Variants in IL1A observed in about 807,000 individuals in gnomAD.
The protein encoded by IL1A is interleukin-1 alpha.
In IL1A, 16 loss-of-function variants were observed where a neutral mutation model predicts 22.2. The ratio of observed to expected loss-of-function variants is 0.72; its 90% CI spans 0.49 to 1.09. The LOEUF is 1.09. Ranked by LOEUF, IL1A falls within the 50% of genes least tolerant of loss-of-function variation. The probability of loss-of-function intolerance (pLI) is 0.00; values close to 1 mark genes in which losing one functional copy is unlikely to be tolerated. For missense variants in IL1A, 317 were observed against 321.8 expected (o/e 0.99, Z 0.11); for synonymous variants, 113 against 118.5 (o/e 0.95, Z 0.30).
rs536637497 is a variant in IL1A at position 112,781,032 on chromosome 2, T to A, written c.319+572A>T. Among the ~76,000 whole-genome samples the A allele has an allele frequency of 9.2e-3, 1,391 of 150,896 alleles. 11 individuals carry two copies. Among genetic ancestry groups the A allele is most frequent in the African/African-American group, 0.025 (1,007 of 40,626 alleles). On this transcript the variant is annotated intron_variant, in intron 4 of 6. Transcript: ENST00000263339. ...CAGACTCCATCTCAAAAAAATAAAA[T>A]AAAATAATAATAATAATGATAGTAA...
At position 112,778,032 on chromosome 2, in the gene IL1A, T is replaced by C. The variant is rs1681129100; in HGVS notation, c.570A>G (p.Gln190=). 1.9e-6 allele frequency: 3 copies of C among 1,614,114 alleles called. No individual in the cohort carries two copies. The highest frequency in any genetic ancestry group is 1.3e-5 in the African/African-American group (1 of 75,026). The change falls in exon 6 of 7, where the codon CAA becomes CAG. Residue 190 remains glutamine, a synonymous_variant. Coordinates refer to ENST00000263339, the MANE Select transcript of IL1A (RefSeq NM_000575.5). ...CTTCATCTTGGGCAGTCACATACAA[T>C]TGAGTTTTTGAGATTCTTAGAATCA... The part of the protein sequence containing the change: ...ITVILRISKT[Q]LYVTAQDEDQ...
At chr2:112,783,919 C>A in intron 1 of IL1A, 141 bp from the exon 2 acceptor site, 1 of 748,560 alleles carries the variant, frequency 1.3e-6, no homozygotes. Context: ...CATCTTCTAG[C>A]TCCTTTGAAT....
chr2:112,774,496 G>T lies in IL1A; in HGVS notation c.*571C>A, dbSNP rs1416164576. 1 of 151,570 alleles carries T rather than the reference G, an allele frequency of 6.6e-6. No individual in the cohort carries two copies. Among genetic ancestry groups the T allele is most frequent in the Non-Finnish European group, 1.5e-5 (1 of 67,896 alleles). The allele number at this position is 151,570 out of a possible 1,614,324, so 9.4% of individuals were successfully genotyped here. A position where few individuals can be genotyped will look rare whatever the true frequency, so the allele number is the denominator to read the frequency against. ...TTTCGTGCTTTGCCTTCATCTTGAG[G>T]CTCGGCTTCAAGAAGTATTTTACCA... On this transcript the variant is annotated 3_prime_UTR_variant, in exon 7 of 7. Transcript: ENST00000263339.
chr2:112,782,427 C>A (rs563796142), intron 3 of IL1A, among the ~76,000 whole-genome samples: 85 of 152,330 alleles, frequency 5.6e-4, no homozygotes, highest in African/African-American at 1.6e-3. Context: ...AAGCGGCCTG[C>A]GGGGCCTTTC....
rs72825520 is a variant in IL1A, at chr2:112,780,738, A to G, written c.319+866T>C. Among the ~76,000 whole-genome samples the G allele has an allele frequency of 6.5e-5, 5 of 76,666 alleles. No individual in the cohort carries two copies. The South Asian group carries it at 1.3e-3, about 19-fold the overall frequency. The allele number at this position is 76,666 out of a possible 152,430, so 50.3% of individuals were successfully genotyped here. ...ATTCATATAGGTAGTAGTAGTAGTA[A>G]TAATAATAATAATCATAGGCCGGGC... On this transcript the variant is annotated intron_variant, in intron 4 of 6. Transcript: ENST00000263339.
At chr2:112,777,290 A>T (rs1681115317) in intron 6 of IL1A, among the ~76,000 whole-genome samples, 3 of 152,228 alleles carry the variant, frequency 2.0e-5, no homozygotes. Context: ...GAATGAGTTC[A>T]TGAATGAAGC....
intron 6 of IL1A, among the ~76,000 whole-genome samples, chr2:112,777,078 A>G (rs1040562894): frequency 1.4e-5 from 2 of 146,206 alleles, no homozygotes; most frequent in Non-Finnish European, 3.0e-5. Context: ...GCACTCTCCC[A>G]CTTTTCTCTA....
Position 112,779,511 on chromosome 2 carries a change from T to C in IL1A, c.475A>G (p.Asn159Asp). 6.3e-7 allele frequency: 1 copy of C among 1,586,640 alleles called. No homozygotes were observed. Among genetic ancestry groups the C allele is most frequent in the African/African-American group, 1.3e-5 (1 of 74,614 alleles). The change falls in exon 5 of 7, where the codon AAT (asparagine) becomes GAT (aspartate). Residue 159 changes from asparagine (N) to aspartate (D), a missense_variant. By Grantham distance (23) the Asn-to-Asp change is conservative. Transcript: ENST00000263339. ...TTTAATGTACCTGCTTCATCCAGAT[T>C]ATGTAATGCAGCAGCCGTGAGGTAC... ...DQYLTAAALH[N>D]LDEAVKFDMG...
chr2:112,780,358 G>A (rs1478271203), intron 4 of IL1A, among the ~76,000 whole-genome samples: 1 of 152,174 alleles, frequency 6.6e-6, no homozygotes, highest in African/African-American at 2.4e-5. Flanking sequence ...CATAGTGCTG[G>A]CAGTAGTAAA....
chr2:112,782,080 A>C (rs1395498646), intron 3 of IL1A, among the ~76,000 whole-genome samples: 1 of 152,196 alleles, frequency 6.6e-6, no homozygotes, highest in Non-Finnish European at 1.5e-5. Context: ...GTTGTAACTA[A>C]ATAGGTTAAC....
chr2:112,782,820 C>T (rs986304539), intron 2 of IL1A, 56 bp from the exon 3 acceptor site: 1 of 1,283,344 alleles, frequency 7.8e-7, no homozygotes, highest in African/African-American at 1.5e-5. Context: ...TGGTCTCTGG[C>T]CAATGTACTT....
Position 112,781,653 on chromosome 2 carries a change from T to C in IL1A, c.270A>G (p.Gln90=), listed in dbSNP as rs375431463. The C allele has an allele frequency of 6.9e-5, 111 of 1,614,246 alleles. No homozygotes were observed. The highest frequency in any genetic ancestry group is 2.0e-4 in the African/African-American group (15 of 75,054). ...CCTCCAGGTCATCATCAGTGATGGA[T>C]TGGCTTAAACTCAACCGTCTCTTCT... ...VLKKRRLSLS[Q]SITDDDLEAI... is the part of the protein sequence containing the mutation. Residue 90 remains glutamine, a synonymous_variant, in exon 4 of 7, where the codon CAA becomes CAG. Coordinates refer to ENST00000263339, the MANE Select transcript of IL1A (RefSeq NM_000575.5).
chr2:112,782,318 T>A (rs889215834), intron 3 of IL1A, among the ~76,000 whole-genome samples: 12 of 152,238 alleles, frequency 7.9e-5, no homozygotes, highest in African/African-American at 2.9e-4. Flanking sequence ...GCTTGCTTCC[T>A]CTCTCTCAGC....
Position 112,779,519 on chromosome 2 carries a change from G to T in IL1A, c.467C>A (p.Ala156Glu), listed in dbSNP as rs748732116. Residue 156 changes from alanine to glutamate, a missense_variant, in exon 5 of 7, where the codon GCA becomes GAA. By Grantham distance (107) the Ala-to-Glu change is moderately radical. Transcript: ENST00000263339. Reference sequence around the variant, plus strand: ...ACCTGCTTCATCCAGATTATGTAATGCAGCAGCCGTGAGGTACTGATCATT... The same window carrying T: ...ACCTGCTTCATCCAGATTATGTAATTCAGCAGCCGTGAGGTACTGATCATT... ...RANDQYLTAAALHNLDEAVKF... is the reference protein window; with the variant it reads ...RANDQYLTAAELHNLDEAVKF... The T allele has an allele frequency of 3.8e-6, 6 of 1,595,954 alleles. No homozygotes were observed. In the African/African-American group the frequency reaches 8.0e-5, roughly 21 times the overall value.
intron 6 of IL1A, among the ~76,000 whole-genome samples, chr2:112,775,987 G>C (rs776509471): frequency 2.6e-5 from 4 of 152,090 alleles, no homozygotes; most frequent in Non-Finnish European, 4.4e-5. Context: ...ATGTCAGCAG[G>C]ATTTATTTCC....
At position 112,775,251 on chromosome 2, in the gene IL1A, G is replaced by T; in HGVS notation, c.632C>A (p.Pro211His). 1 of 1,613,716 alleles carries T rather than the reference G, an allele frequency of 6.2e-7. No individual in the cohort carries two copies. The highest frequency in any genetic ancestry group is 1.1e-5 in the South Asian group (1 of 91,082). ...PVLLKEMPEI[P>H]KTITGSETNL... The stretch of plus-strand genomic sequence containing the variant: ...GGTCTCACTACCTGTGATGGTTTTG[G>T]GTATCTCAGGCATCTCCTATGAAGA... Residue 211 changes from proline to histidine, a missense_variant, in exon 7 of 7, where the codon CCC becomes CAC. Pro to His is a moderately conservative substitution (Grantham distance 77, BLOSUM62 -2). Coordinates refer to ENST00000263339, the MANE Select transcript of IL1A (RefSeq NM_000575.5).
At chr2:112,781,203 C>T (rs1681191635) in intron 4 of IL1A, among the ~76,000 whole-genome samples, 1 of 151,996 alleles carries the variant, frequency 6.6e-6, no homozygotes, top group Non-Finnish European at 1.5e-5. Context: ...ATCTTTACAG[C>T]AGTCCAATGA....
intron 6 of IL1A, among the ~76,000 whole-genome samples, 197 bp downstream of exon 6, chr2:112,777,790 C>T (rs1337926450): frequency 6.6e-6 from 1 of 152,206 alleles, no homozygotes; most frequent in Non-Finnish European, 1.5e-5. Flanking sequence ...TAATTTTCCT[C>T]TTACTCTCTG....
At chr2:112,778,260 T>C (rs938436329) in intron 5 of IL1A, 149 bp from the exon 6 acceptor site, 30 of 646,542 alleles carry the variant, frequency 4.6e-5, no homozygotes, top group Non-Finnish European at 7.9e-5. Context: ...ATGGTGTAAA[T>C]ACCTGGAAGT....
Sources: gnomAD v4.1 joint callset for allele counts (sites outside exome capture counted in the v4.1 genomes callset) on GRCh38, gnomAD v4.1.1 for gene constraint, MANE v1.5 for transcripts, NCBI Gene and HGNC (gene_info 2026-07-23, HGNC 2026-07-21) for gene names.